SBF2: variants seen among roughly 807,000 people sequenced by gnomAD.
SBF2 encodes SET binding factor 2, also known as myotubularin-related protein 13.
In SBF2, 112 loss-of-function variants were observed where a neutral mutation model predicts 225.2. That is an observed-to-expected ratio of 0.50 (90% confidence interval 0.43 to 0.58). The LOEUF (loss-of-function observed/expected upper bound fraction) is 0.58, where lower values mean the gene tolerates loss of function less well. SBF2 is among the 20% of genes least tolerant of loss of function. The pLI, the probability that SBF2 is intolerant of heterozygous loss-of-function variation, is 0.00. For missense variants in SBF2, 1,996 were observed against 2,206.2 expected, an observed-to-expected ratio of 0.90 and a Z score of 1.91; for synonymous variants, 763 against 773.3, an observed-to-expected ratio of 0.99 and a Z score of 0.22.
intron 16 of SBF2, among the ~76,000 whole-genome samples, chr11:9,954,139 A>T (rs1866014424): frequency 6.6e-6 from 1 of 152,210 alleles, no homozygotes; most frequent in African/African-American, 2.4e-5. Flanking sequence ...TTACACTGGC[A>T]TTGAAATAAC....
intron 2 of SBF2, among the ~76,000 whole-genome samples, chr11:10,143,403 C>T (rs914360343): frequency 3.3e-5 from 5 of 152,102 alleles, no homozygotes; most frequent in African/African-American, 1.2e-4. Flanking sequence ...AACTCCTGAC[C>T]TCAGGTGATC....
At position 10,023,071 on chromosome 11, in the gene SBF2, C is replaced by A. The variant is rs574369319; in HGVS notation, c.619+5381G>T. Reference sequence around the variant, plus strand: ...TTGCAAAATGATACTCTATTTCCATCATTTCTTTCATCTTTATTAATTAGA... The same window carrying A: ...TTGCAAAATGATACTCTATTTCCATAATTTCTTTCATCTTTATTAATTAGA... On this transcript the variant is annotated intron_variant, in intron 6 of 39. Transcript: ENST00000256190. Among the ~76,000 whole-genome samples, 14 of 152,228 alleles carry A rather than the reference C, an allele frequency of 9.2e-5. No individual in the cohort carries two copies. In the South Asian group the frequency reaches 2.1e-3, roughly 23 times the overall value.
chr11:10,069,369 C>T (rs1239839287), intron 2 of SBF2, among the ~76,000 whole-genome samples: 1 of 140,224 alleles, frequency 7.1e-6, no homozygotes, highest in Non-Finnish European at 1.5e-5. Context: ...TCCAAGTGTT[C>T]TCATTGTTCA....
chr11:10,109,566 G>A (rs1006443186), intron 2 of SBF2, among the ~76,000 whole-genome samples: 14 of 152,190 alleles, frequency 9.2e-5, no homozygotes, highest in Non-Finnish European at 1.9e-4. Flanking sequence ...GGCACTCAGT[G>A]CACACAACAT....
At position 9,780,490 on chromosome 11, in the gene SBF2, G is replaced by C; in HGVS notation, c.5478C>G (p.Asn1826Lys). The change falls in exon 40 of 40, where the codon AAC becomes AAG. Residue 1826 changes from asparagine (N) to lysine (K), a missense_variant. Asn to Lys is a moderately conservative substitution (Grantham distance 94, BLOSUM62 0). Coordinates refer to ENST00000256190, the MANE Select transcript of SBF2 (RefSeq NM_030962.4). ...CACTCTGTCCATCCTGGGCGCAGAA[G>C]TTATACACACGTTTGCTGGTCTTGA... ...FDLKTSKRVY[N>K]FCAQDGQSAQ... 1 of 1,614,198 alleles carries C rather than the reference G, an allele frequency of 6.2e-7. No individual in the cohort carries two copies. Among genetic ancestry groups the C allele is most frequent in the Non-Finnish European group, 8.5e-7 (1 of 1,180,020 alleles).
chr11:9,901,916 G>C (rs1204751689), intron 16 of SBF2, among the ~76,000 whole-genome samples: 1 of 152,172 alleles, frequency 6.6e-6, no homozygotes, highest in Admixed American at 6.5e-5. Flanking sequence ...AAAGTGCTGG[G>C]ATCATAGGCA....
intron 2 of SBF2, among the ~76,000 whole-genome samples, chr11:10,116,583 T>A (rs1214364348): frequency 6.6e-6 from 1 of 152,230 alleles, no homozygotes; most frequent in Non-Finnish European, 1.5e-5. Flanking sequence ...GCTTCCTAAT[T>A]CAAATATAAA....
intron 2 of SBF2, among the ~76,000 whole-genome samples, chr11:10,145,695 A>T (rs781665709): frequency 3.2e-4 from 48 of 152,296 alleles, no homozygotes; most frequent in Non-Finnish European, 5.3e-4. Context: ...TGGGCTTCAT[A>T]ATTTGTATAC....
intron 2 of SBF2, among the ~76,000 whole-genome samples, chr11:10,155,993 G>A (rs1409586046): frequency 2.6e-5 from 4 of 152,110 alleles, no homozygotes; most frequent in Non-Finnish European, 4.4e-5. Context: ...TGGGAGCCCC[G>A]CCCCCTACCA....
intron 26 of SBF2, among the ~76,000 whole-genome samples, chr11:9,836,773 G>A (rs959607114): frequency 4.6e-5 from 7 of 152,114 alleles, no homozygotes; most frequent in African/African-American, 1.7e-4. Context: ...ATTCCATGTA[G>A]AGGTCTTGCA....
intron 2 of SBF2, among the ~76,000 whole-genome samples, chr11:10,090,222 T>C (rs1290544955): frequency 6.6e-6 from 1 of 152,188 alleles, no homozygotes; most frequent in East Asian, 1.9e-4. Flanking sequence ...ACAGCATCTG[T>C]ATGGGCTGAT....
chr11:10,177,090 C>A (rs1028644124), intron 2 of SBF2, among the ~76,000 whole-genome samples: 22 of 151,906 alleles, frequency 1.4e-4, no homozygotes, highest in African/African-American at 5.1e-4. Context: ...AAGACAAAAA[C>A]CACATGATTA....
At chr11:10,293,930 T>TCCCCGACGCCCGGCCCCGACGCCCGG (rs1490417507) in intron 1 of SBF2, 85 bp downstream of exon 1, 1 of 1,037,332 alleles carries the variant, frequency 9.6e-7, no homozygotes, top group Non-Finnish European at 1.2e-6. Flanking sequence ...CCGACGCCCG[T>TCCCCGACGCCCGGCCCCGACGCCCGG]CCCCGACGCC....
At chr11:10,141,336 A>C (rs1204160999) in intron 2 of SBF2, among the ~76,000 whole-genome samples, 1 of 152,210 alleles carries the variant, frequency 6.6e-6, no homozygotes, top group Non-Finnish European at 1.5e-5. Context: ...AATTTAAAGA[A>C]GGAGTCATTA....
chr11:10,005,268 A>T (rs1260797274), intron 6 of SBF2, among the ~76,000 whole-genome samples: 1 of 152,154 alleles, frequency 6.6e-6, no homozygotes, highest in Non-Finnish European at 1.5e-5. Flanking sequence ...GGACTGGTAA[A>T]GGAAGAAAGC....
intron 16 of SBF2, among the ~76,000 whole-genome samples, chr11:9,928,347 G>A (rs1334359123): frequency 6.6e-6 from 1 of 152,110 alleles, no homozygotes; most frequent in African/African-American, 2.4e-5. Flanking sequence ...TATAAATCAA[G>A]ATGTCCAATA....
At chr11:9,884,556 A>G (rs1860099998) in intron 17 of SBF2, among the ~76,000 whole-genome samples, 1 of 152,126 alleles carries the variant, frequency 6.6e-6, no homozygotes, top group South Asian at 2.1e-4. Context: ...TTCCTCCTAC[A>G]GTTTTGGTGG....
At chr11:10,254,939 A>AAAAAAAAAT (rs1960737355) in intron 1 of SBF2, among the ~76,000 whole-genome samples, 6 of 114,004 alleles carry the variant, frequency 5.3e-5, no homozygotes, top group African/African-American at 1.3e-4. Flanking sequence ...AAAAAAAAAA[A>AAAAAAAAAT]TCCTATTATT....
At chr11:10,038,412 C>A (rs1949528329) in intron 3 of SBF2, among the ~76,000 whole-genome samples, 1 of 151,956 alleles carries the variant, frequency 6.6e-6, no homozygotes, top group African/African-American at 2.4e-5. Context: ...GCACTACAAT[C>A]TTTTTTCCTT....
Sources: gnomAD v4.1 joint callset for allele counts (sites outside exome capture counted in the v4.1 genomes callset) on GRCh38, gnomAD v4.1.1 for gene constraint, MANE v1.5 for transcripts, NCBI Gene and HGNC (gene_info 2026-07-23, HGNC 2026-07-21) for gene names.